The following WDR35 variants were observed in gnomAD, a reference collection of about 807,000 sequenced individuals.
The protein encoded by WDR35 is WD repeat domain 35.
In WDR35, 118 loss-of-function variants were observed where a neutral mutation model predicts 158.3. The ratio of observed to expected loss-of-function variants is 0.75; its 90% CI spans 0.64 to 0.87. WDR35 has a LOEUF of 0.87. WDR35 is among the 40% of genes least tolerant of loss of function. The pLI, the probability that WDR35 is intolerant of heterozygous loss-of-function variation, is 0.00. For synonymous variants in WDR35, 448 were observed against 476.1 expected (o/e 0.94, Z 0.77); for missense variants, 1,263 against 1,405.8 (o/e 0.90, Z 1.62).
Position 19,934,459 on chromosome 2 carries a change from T to G in WDR35, c.2548-948A>C, listed in dbSNP as rs189059339. ...TCCTGTATTTCCTACTTAAATATTA[T>G]GTACACCTTCCCATATTATTAAAAA... On this transcript the variant is annotated intron_variant, in intron 21 of 26. Coordinates refer to ENST00000281405, the MANE Select transcript of WDR35 (RefSeq NM_020779.4). This position sits in a 1 kb window ranked among gnomAD's most constrained non-coding sequence, Gnocchi z 4.6. 2.6e-5 allele frequency among the ~76,000 whole-genome samples: 4 copies of G among 152,066 alleles called. No homozygotes were observed. The highest frequency in any genetic ancestry group is 5.9e-5 in the Non-Finnish European group (4 of 67,994).
chr2:19,981,079 T>C (rs1672368042), intron 3 of WDR35, among the ~76,000 whole-genome samples: 1 of 152,050 alleles, frequency 6.6e-6, no homozygotes, highest in Non-Finnish European at 1.5e-5. Flanking sequence ...ACAAGCATGG[T>C]TTACTCAATT....
chr2:19,958,306 T>A (rs944858024), intron 11 of WDR35, among the ~76,000 whole-genome samples: 1 of 152,174 alleles, frequency 6.6e-6, no homozygotes, highest in East Asian at 1.9e-4. Flanking sequence ...CCTAAAGAAA[T>A]ACTTACTTTT....
chr2:19,937,374 C>T (rs890347696), intron 19 of WDR35, among the ~76,000 whole-genome samples: 1 of 151,976 alleles, frequency 6.6e-6, no homozygotes, highest in Non-Finnish European at 1.5e-5. Flanking sequence ...TTATTTTATG[C>T]CTCTTGACAA....
At chr2:19,932,065 C>A (rs1472956515) in intron 23 of WDR35, among the ~76,000 whole-genome samples, 1 of 152,056 alleles carries the variant, frequency 6.6e-6, no homozygotes, top group Non-Finnish European at 1.5e-5. Flanking sequence ...CAGTATTCAA[C>A]ATACAATTGT....
intron 25 of WDR35, among the ~76,000 whole-genome samples, chr2:19,918,926 C>A (rs977312959): frequency 3.9e-5 from 6 of 152,118 alleles, no homozygotes; most frequent in African/African-American, 1.4e-4. Flanking sequence ...CTCTCCACCC[C>A]AAATCAACAG....
intron 12 of WDR35, among the ~76,000 whole-genome samples, chr2:19,952,160 C>T (rs1671259263): frequency 6.6e-6 from 1 of 152,236 alleles, no homozygotes; most frequent in East Asian, 1.9e-4. Flanking sequence ...ATCCCTTACC[C>T]CCTACTACCC....
At chr2:19,971,113 T>C (rs1322897517) in intron 8 of WDR35, among the ~76,000 whole-genome samples, 1 of 152,246 alleles carries the variant, frequency 6.6e-6, no homozygotes, top group Non-Finnish European at 1.5e-5. Context: ...AACACTTTTT[T>C]AATGTGGCTA....
chr2:19,945,955 AAGAAAGTC>A lies in WDR35; in HGVS notation c.1668_1675del (p.Thr557Ter). 6.2e-7 allele frequency: 1 copy of A among 1,613,958 alleles called. No individual in the cohort carries two copies. The highest frequency in any genetic ancestry group is 8.5e-7 in the Non-Finnish European group (1 of 1,179,848). ...GTCCGTTACTCGAGCATCCAAGTCA[AAGAAAGTC>A]AGAACTCCTGAGATGTCTATGATAG... On this transcript the variant is annotated frameshift_variant, in exon 16 of 27. Coordinates refer to ENST00000281405, the MANE Select transcript of WDR35 (RefSeq NM_020779.4). LOFTEE classifies it high-confidence loss of function.
At chr2:19,988,285 C>T (rs1287509710) in intron 2 of WDR35, among the ~76,000 whole-genome samples, 1 of 152,164 alleles carries the variant, frequency 6.6e-6, no homozygotes, top group Non-Finnish European at 1.5e-5. Flanking sequence ...ATTATTCATA[C>T]CGCATTCAAA....
chr2:19,978,847 T>G lies in WDR35; in HGVS notation c.340A>C (p.Asn114His). The change falls in exon 5 of 27, where the codon AAT (asparagine) becomes CAT (histidine). Residue 114 changes from asparagine to histidine, a missense_variant. Physicochemically the swap from Asn to His is moderately conservative, Grantham distance 68. Transcript: ENST00000281405. ...SWIEEMINNRNKSVVRSMSWN... is the reference protein window; with the variant it reads ...SWIEEMINNRHKSVVRSMSWN... ...CTCATACTGCGAACAACTGATTTAT[T>G]TCGATTGTTGATCATCTCCTCAATC... 1 of 1,613,846 alleles carries G rather than the reference T, an allele frequency of 6.2e-7. No homozygotes were observed. The highest frequency in any genetic ancestry group is 8.5e-7 in the Non-Finnish European group (1 of 1,179,840).
At chr2:19,919,019 C>T (rs1170632564) in intron 25 of WDR35, among the ~76,000 whole-genome samples, 3 of 152,192 alleles carry the variant, frequency 2.0e-5, no homozygotes, top group East Asian at 3.9e-4. Context: ...TCAGCAAATG[C>T]AAAAGACAGA....
chr2:19,932,969 A>G (rs934529121), intron 22 of WDR35, among the ~76,000 whole-genome samples: 3 of 152,242 alleles, frequency 2.0e-5, no homozygotes, highest in African/African-American at 7.2e-5. Context: ...GTTTTCTATA[A>G]AGGAAAAGGA....
chr2:19,931,460 C>T, intron 23 of WDR35, 51 bp from the exon 24 acceptor site: 2 of 1,597,536 alleles, frequency 1.3e-6, no homozygotes, highest in Middle Eastern at 1.7e-4. Context: ...TATATTTGTA[C>T]AAATACAATC....
intron 2 of WDR35, 69 bp downstream of exon 2, chr2:19,989,096 G>T: frequency 2.3e-6 from 3 of 1,312,896 alleles, no homozygotes; most frequent in South Asian, 1.2e-5. Flanking sequence ...CAGATAACAT[G>T]AGTAGACCGC....
intron 11 of WDR35, among the ~76,000 whole-genome samples, chr2:19,954,972 G>A (rs113586023): frequency 0.019 from 2,814 of 152,090 alleles, 35 homozygotes; most frequent in Non-Finnish European, 0.03. Context: ...TTACTACCTG[G>A]TTCAGAGTCT....
At chr2:19,965,753 G>A (rs1026379423) in intron 10 of WDR35, among the ~76,000 whole-genome samples, 12 of 152,214 alleles carry the variant, frequency 7.9e-5, no homozygotes, top group African/African-American at 2.9e-4. Flanking sequence ...TGTGGACTCA[G>A]TATAGGGGAG....
intron 2 of WDR35, among the ~76,000 whole-genome samples, chr2:19,984,057 C>A (rs80140485): frequency 3.1e-3 from 117 of 38,338 alleles, no homozygotes; most frequent in African/African-American, 0.015. Flanking sequence ...ATACACACAC[C>A]CACATATTCT....
At chr2:19,977,403 C>T (rs1672249500) in intron 5 of WDR35, among the ~76,000 whole-genome samples, 1 of 152,168 alleles carries the variant, frequency 6.6e-6, no homozygotes, top group African/African-American at 2.4e-5. Context: ...ACCATCCATC[C>T]AGCTGCCCAA....
intron 16 of WDR35, among the ~76,000 whole-genome samples, chr2:19,944,893 T>G (rs551663574): frequency 6.6e-6 from 1 of 152,272 alleles, no homozygotes; most frequent in South Asian, 2.1e-4. Context: ...ATGCAATTTC[T>G]TCCCAAGAAG....
Sources: allele counts gnomAD v4.1 joint callset (sites outside exome capture counted in the v4.1 genomes callset), GRCh38; gene constraint gnomAD v4.1.1; non-coding constraint Gnocchi (gnomAD v3.1); transcripts MANE v1.5; gene names NCBI Gene and HGNC (gene_info 2026-07-23, HGNC 2026-07-21).